PCDHA9: variants seen among roughly 807,000 people sequenced by gnomAD.
PCDHA9 encodes the protein protocadherin alpha-9.
In PCDHA9, 62 loss-of-function variants were observed where a neutral mutation model predicts 62.0. The ratio of observed to expected loss-of-function variants is 1.00; its 90% CI spans 0.81 to 1.23. The LOEUF (loss-of-function observed/expected upper bound fraction) is 1.23. Among genes scored for constraint, PCDHA9 ranks in the 50% most tolerant of loss-of-function variants. The probability of loss-of-function intolerance (pLI) is 0.00; values close to 1 mark genes in which losing one functional copy is unlikely to be tolerated. For missense variants in PCDHA9, 1,205 were observed against 1,249.8 expected (o/e 0.96, Z 0.54); for synonymous variants, 557 against 567.6 (o/e 0.98, Z 0.27).
chr5:140,863,474 G>A (rs1440662117), intron 1 of PCDHA9: 3 of 480,748 alleles, frequency 6.2e-6, no homozygotes, highest in African/African-American at 2.0e-5. Context: ...CTGGAGAGTC[G>A]CCTCCCAAGG....
At chr5:140,881,259 C>A in intron 1 of PCDHA9, 1 of 524,594 alleles carries the variant, frequency 1.9e-6, no homozygotes, top group Non-Finnish European at 2.4e-6. Flanking sequence ...AGGTTTTACT[C>A]AGTGATGATG....
At chr5:140,935,394 G>C (rs959098226) in intron 1 of PCDHA9, among the ~76,000 whole-genome samples, 2 of 152,088 alleles carry the variant, frequency 1.3e-5, no homozygotes, top group East Asian at 3.8e-4. Context: ...GTTATCCCAC[G>C]GGACTCAAAC....
At chr5:140,896,012 T>C (rs1554186792) in intron 1 of PCDHA9, among the ~76,000 whole-genome samples, 3 of 152,162 alleles carry the variant, frequency 2.0e-5, no homozygotes, top group African/African-American at 7.2e-5. Context: ...GGTTTCTCCA[T>C]GTTGGCCAGG....
At position 140,883,968 on chromosome 5, in the gene PCDHA9, C is replaced by G. The variant is rs201548026; in HGVS notation, c.2394+33079C>G. 34 of 1,613,020 alleles carry G rather than the reference C, an allele frequency of 2.1e-5. No homozygotes were observed. The East Asian group carries it at 7.4e-4, about 35-fold the overall frequency. ...AACGACAACGCTCCGGCGCTGCTGACGCCCGGGGCTGGCAGCGCGGGAGGC... is the reference window on the plus strand; with the variant it reads ...AACGACAACGCTCCGGCGCTGCTGAGGCCCGGGGCTGGCAGCGCGGGAGGC... On this transcript the variant is annotated intron_variant, in intron 1 of 3. Coordinates refer to ENST00000532602, the MANE Select transcript of PCDHA9 (RefSeq NM_031857.2).
chr5:140,955,677 G>A (rs989922322), intron 1 of PCDHA9, among the ~76,000 whole-genome samples: 6 of 151,960 alleles, frequency 3.9e-5, no homozygotes, highest in African/African-American at 1.2e-4. Context: ...TAGTTTTTTC[G>A]AAATCTGTGA....
chr5:140,958,775 A>C (rs1179723793), intron 1 of PCDHA9, among the ~76,000 whole-genome samples: 1 of 152,170 alleles, frequency 6.6e-6, no homozygotes, highest in African/African-American at 2.4e-5. Flanking sequence ...GTTTGAAATC[A>C]ACTTTCTATT....
intron 1 of PCDHA9, among the ~76,000 whole-genome samples, chr5:140,885,181 T>A (rs561922365): frequency 6.6e-6 from 1 of 152,330 alleles, no homozygotes; most frequent in African/African-American, 2.4e-5. Flanking sequence ...TCTAGGCACA[T>A]CAGTGTTCCC....
At chr5:140,858,433 G>A in intron 1 of PCDHA9, 3 of 1,545,478 alleles carry the variant, frequency 1.9e-6, no homozygotes, top group Non-Finnish European at 2.6e-6. Flanking sequence ...ACCACTCTAG[G>A]AAGGTGGGTT....
chr5:140,869,476 G>T (rs530490517), intron 1 of PCDHA9: 1 of 1,614,194 alleles, frequency 6.2e-7, no homozygotes, highest in African/African-American at 1.3e-5. Flanking sequence ...GGAGGTGAAG[G>T]ACATTAACGA....
chr5:140,941,202 C>CCTTTCTTCCTTCCTTT (rs1394736170), intron 1 of PCDHA9, among the ~76,000 whole-genome samples: 7 of 122,740 alleles, frequency 5.7e-5, no homozygotes, highest in African/African-American at 1.5e-4. Context: ...TTTCTTTCTT[C>CCTTTCTTCCTTCCTTT]CTTTCTTTCT....
chr5:140,850,247 G>C lies in PCDHA9; in HGVS notation c.1752G>C (p.Ser584=), dbSNP rs2150475537. 3 of 1,593,682 alleles carry C rather than the reference G, an allele frequency of 1.9e-6. No individual in the cohort carries two copies. Among genetic ancestry groups the C allele is most frequent in the Middle Eastern group, 2.3e-4 (1 of 4,400 alleles). Residue 584 remains serine (S), a synonymous_variant, in exon 1 of 4, where the codon TCG becomes TCC. Transcript: ENST00000532602. ...DGAVSEMVLR[S]VGAGVVVGKV... is the part of the protein sequence containing the mutation. ...CAGTGAGCGAGATGGTGCTGCGGTC[G>C]GTGGGCGCCGGCGTAGTGGTGGGGA...
At chr5:141,000,833 G>A (rs1554257850) in intron 3 of PCDHA9, among the ~76,000 whole-genome samples, 2 of 151,930 alleles carry the variant, frequency 1.3e-5, no homozygotes, top group Non-Finnish European at 2.9e-5. Flanking sequence ...CTTGAGTCCA[G>A]GAGATCCAGT....
rs782000026 is a variant in PCDHA9, at chr5:140,858,227, G to A, written c.2394+7338G>A. 14 of 1,596,370 alleles carry A rather than the reference G, an allele frequency of 8.8e-6. 2 individuals carry two copies. The African/African-American group carries it at 1.9e-4, about 21-fold the overall frequency. On this transcript the variant is annotated intron_variant, in intron 1 of 3. Coordinates refer to ENST00000532602, the MANE Select transcript of PCDHA9 (RefSeq NM_031857.2). Reference sequence around the variant, plus strand: ...ACTGAGGTGCTCGGCGGCGCCCACCGAGGGCGCATGTGGGCCGGTGAAGCC... The same window carrying A: ...ACTGAGGTGCTCGGCGGCGCCCACCAAGGGCGCATGTGGGCCGGTGAAGCC...
intron 1 of PCDHA9, 53 bp from the exon 2 acceptor site, chr5:140,978,895 TG>T: frequency 6.2e-7 from 1 of 1,612,992 alleles, no homozygotes; most frequent in Non-Finnish European, 8.5e-7. Context: ...GCAGCATTCC[TG>T]GGAGAACATT....
intron 1 of PCDHA9, among the ~76,000 whole-genome samples, chr5:140,913,421 A>T (rs2076328410): frequency 6.6e-6 from 1 of 152,144 alleles, no homozygotes; most frequent in Non-Finnish European, 1.5e-5. Flanking sequence ...CTGCAGTATC[A>T]GTTGTAATGC....
chr5:140,942,846 A>C (rs1239885134), intron 1 of PCDHA9, among the ~76,000 whole-genome samples: 1 of 152,312 alleles, frequency 6.6e-6, no homozygotes, highest in East Asian at 1.9e-4. Flanking sequence ...AAATTCCAGT[A>C]AGATGATTAT....
At chr5:141,007,227 A>G (rs1458505596) in intron 3 of PCDHA9, among the ~76,000 whole-genome samples, 1 of 151,972 alleles carries the variant, frequency 6.6e-6, no homozygotes, top group Non-Finnish European at 1.5e-5. Flanking sequence ...CAAAATAAGA[A>G]GGATTGTTGA....
At chr5:140,984,408 T>G (rs1394037702) in intron 3 of PCDHA9, among the ~76,000 whole-genome samples, 2 of 152,200 alleles carry the variant, frequency 1.3e-5, no homozygotes, top group African/African-American at 2.4e-5. Flanking sequence ...AACCTATCTT[T>G]TTTACAGAGA....
chr5:140,853,472 T>C lies in PCDHA9; in HGVS notation c.2394+2583T>C, dbSNP rs1420566523. The C allele has an allele frequency of 4.8e-5, 47 of 973,390 alleles. 7 individuals are homozygous for C. The highest frequency in any genetic ancestry group is 5.7e-5 in the Non-Finnish European group (46 of 806,260). 60.3% of individuals were successfully genotyped at this position (973,390 alleles called of 1,614,324 possible). A position where few individuals can be genotyped will look rare whatever the true frequency, so the allele number is the denominator to read the frequency against. ...AGGTCTCCTTATATGCATCTGTAGT[T>C]AACATTCCTCAATTCAAGTTAGAAT... On this transcript the variant is annotated intron_variant, in intron 1 of 3. Coordinates refer to ENST00000532602, the MANE Select transcript of PCDHA9 (RefSeq NM_031857.2).
Sources: gnomAD v4.1 joint callset for allele counts (sites outside exome capture counted in the v4.1 genomes callset) on GRCh38, gnomAD v4.1.1 for gene constraint, MANE v1.5 for transcripts, NCBI Gene and HGNC (gene_info 2026-07-23, HGNC 2026-07-21) for gene names.